The following ZNF676 variants were observed in gnomAD, a reference collection of about 807,000 sequenced individuals.
ZNF676 encodes the protein zinc finger protein 676.
ZNF676 carries 4 observed loss-of-function variants against 6.0 expected under a neutral mutation model. That is an observed-to-expected ratio of 0.67 (90% CI 0.33 to 1.53). The LOEUF (loss-of-function observed/expected upper bound fraction) is 1.53, where lower values mean the gene tolerates loss of function less well. Ranked by LOEUF, ZNF676 falls within the 40% of genes most tolerant of loss-of-function variation. ZNF676 has a pLI of 0.06. For missense variants in ZNF676, 644 were observed against 679.7 expected, an observed-to-expected ratio of 0.95 and a Z score of 0.58; for synonymous variants, 198 against 223.1, an observed-to-expected ratio of 0.89 and a Z score of 1.00.
At chr19:22,251,475 A>G in the ZNF676 span, among the ~76,000 whole-genome samples, 1 of 152,180 alleles carries the variant, frequency 6.6e-6, no homozygotes, top group Non-Finnish European at 1.5e-5. Context: ...AAAAGAAACA[A>G]GAGAGATGGG....
Position 22,196,172 on chromosome 19 carries a change from G to A in ZNF676, c.34+428C>T, listed in dbSNP as rs1429044957. Among the ~76,000 whole-genome samples, 8 of 152,188 alleles carry A rather than the reference G, an allele frequency of 5.3e-5. No individual in the cohort carries two copies. The East Asian group carries it at 1.4e-3, about 26-fold the overall frequency. The stretch of plus-strand genomic sequence containing the variant: ...TGACCAACTCAGCATTCCACTGGAG[G>A]CTATATGATCAAACAGCAAACTGTT... On this transcript the variant is annotated intron_variant, in intron 1 of 2. Coordinates refer to ENST00000397121, the MANE Select transcript of ZNF676 (RefSeq NM_001001411.3).
At chr19:22,253,475 TG>T in the ZNF676 span, among the ~76,000 whole-genome samples, 126 of 133,742 alleles carry the variant, frequency 9.4e-4, no homozygotes, top group African/African-American at 3.3e-3. Context: ...TGTATATATA[TG>T]ATAATTTGCA....
upstream of ZNF676, among the ~76,000 whole-genome samples, chr19:22,197,197 C>T (rs2023976232): frequency 6.6e-6 from 1 of 151,874 alleles, no homozygotes. Flanking sequence ...TGGCACATGG[C>T]TGTAATCCTA....
chr19:22,237,030 G>A, the ZNF676 span, among the ~76,000 whole-genome samples: 2 of 152,176 alleles, frequency 1.3e-5, no homozygotes, highest in African/African-American at 4.8e-5. Context: ...TAATTACAAG[G>A]TTCTTTAAAG....
the ZNF676 span, among the ~76,000 whole-genome samples, chr19:22,238,212 C>T: frequency 7.2e-5 from 11 of 152,130 alleles, no homozygotes; most frequent in African/African-American, 9.6e-5. Flanking sequence ...TCGACACACC[C>T]GGCTAATTTT....
chr19:22,181,818 A>G (rs10419926), intron 2 of ZNF676, among the ~76,000 whole-genome samples: 64,359 of 151,916 alleles, frequency 0.42, 14,456 homozygotes, highest in African/African-American at 0.58. Flanking sequence ...ATTAAGCCCA[A>G]TGCAAAGAGC....
the ZNF676 span, among the ~76,000 whole-genome samples, chr19:22,230,983 T>C: frequency 6.6e-6 from 1 of 152,184 alleles, no homozygotes; most frequent in South Asian, 2.1e-4. Flanking sequence ...GATTATTTTC[T>C]TGGATAGATA....
Position 22,180,952 on chromosome 19 carries a change from A to C in ZNF676, c.765T>G (p.Cys255Trp). The change falls in exon 3 of 3, where the codon TGT (cysteine) becomes TGG (tryptophan). Residue 255 changes from cysteine to tryptophan, a missense_variant. Cys to Trp is a radical substitution (Grantham distance 215, BLOSUM62 -2). Transcript: ENST00000397121. Reference sequence around the variant, plus strand: ...TACTAAATCCTTTGCCACATTCTTCACATTTGTAGGGTTTCTCTCCAGTAT... The same window carrying C: ...TACTAAATCCTTTGCCACATTCTTCCCATTTGTAGGGTTTCTCTCCAGTAT... ...IIHTGEKPYKCEECGKGFSSV... is the reference protein window; with the variant it reads ...IIHTGEKPYKWEECGKGFSSV... 1 of 1,600,788 alleles carries C rather than the reference A, an allele frequency of 6.2e-7. No homozygotes were observed. The highest frequency in any genetic ancestry group is 8.5e-7 in the Non-Finnish European group (1 of 1,170,316).
chr19:22,235,190 T>C, the ZNF676 span, among the ~76,000 whole-genome samples: 2 of 152,018 alleles, frequency 1.3e-5, no homozygotes, highest in African/African-American at 2.4e-5. Flanking sequence ...GCCTCTGCTG[T>C]GATTCACCTG....
chr19:22,192,887 A>C (rs910445308), intron 2 of ZNF676, 129 bp downstream of exon 2: 2 of 1,054,968 alleles, frequency 1.9e-6, no homozygotes, highest in Non-Finnish European at 2.6e-6. Context: ...AAATTAAAAA[A>C]TAAAAATAAA....
chr19:22,233,120 T>C, the ZNF676 span, among the ~76,000 whole-genome samples: 2 of 152,176 alleles, frequency 1.3e-5, no homozygotes, highest in African/African-American at 2.4e-5. Context: ...AGCACATATA[T>C]AAAATTTAAC....
At chr19:22,229,980 C>G in the ZNF676 span, among the ~76,000 whole-genome samples, 1 of 152,108 alleles carries the variant, frequency 6.6e-6, no homozygotes, top group Non-Finnish European at 1.5e-5. Context: ...CCATTTGACC[C>G]AGCAATCCCA....
chr19:22,194,711 CATA>C (rs775921857), intron 1 of ZNF676, among the ~76,000 whole-genome samples: 9 of 152,068 alleles, frequency 5.9e-5, no homozygotes. Flanking sequence ...AAAATTTCAT[CATA>C]ATAACACCCC....
chr19:22,199,977 C>T (rs2024007707), upstream of ZNF676, among the ~76,000 whole-genome samples: 2 of 152,122 alleles, frequency 1.3e-5, no homozygotes, highest in Non-Finnish European at 2.9e-5. Flanking sequence ...CTGATCTCTT[C>T]TAATCAGTTC....
the ZNF676 span, among the ~76,000 whole-genome samples, chr19:22,236,167 A>G: frequency 6.6e-6 from 1 of 151,900 alleles, no homozygotes; most frequent in African/African-American, 2.4e-5. Flanking sequence ...TCCCAGGTAG[A>G]GGCAGCTCTA....
At chr19:22,250,581 C>A in the ZNF676 span, among the ~76,000 whole-genome samples, 2 of 151,944 alleles carry the variant, frequency 1.3e-5, no homozygotes, top group Non-Finnish European at 2.9e-5. Flanking sequence ...ACCCTGCCCA[C>A]CTGTTTTTTG....
intron 2 of ZNF676, among the ~76,000 whole-genome samples, chr19:22,185,397 C>T (rs779541363): frequency 2.0e-5 from 3 of 151,518 alleles, no homozygotes; most frequent in Non-Finnish European, 2.9e-5. Context: ...TCAATAAATC[C>T]ATAAAGATGG....
At chr19:22,198,087 T>G (rs112813869), upstream of ZNF676, among the ~76,000 whole-genome samples, 810 of 152,278 alleles carry the variant, frequency 5.3e-3, 5 homozygotes, top group African/African-American at 0.018. Context: ...CCACACTGCT[T>G]CAATGAGTGT....
At chr19:22,215,914 G>T (rs73930543), upstream of ZNF676, among the ~76,000 whole-genome samples, 3 of 152,152 alleles carry the variant, frequency 2.0e-5, no homozygotes, top group Admixed American at 1.3e-4. Context: ...TCAGATGCTG[G>T]GCTGAATGAA....
Sources: gnomAD v4.1 joint callset for allele counts (sites outside exome capture counted in the v4.1 genomes callset) on GRCh38, gnomAD v4.1.1 for gene constraint, MANE v1.5 for transcripts, NCBI Gene and HGNC (gene_info 2026-07-23, HGNC 2026-07-21) for gene names.